The following SMCHD1 variants were observed in gnomAD, a reference collection of about 807,000 sequenced individuals.
SMCHD1 encodes structural maintenance of chromosomes flexible hinge domain-containing protein 1.
In SMCHD1, 78 loss-of-function variants were observed where a neutral mutation model predicts 254.7. That is an observed-to-expected ratio of 0.31 (90% CI 0.26 to 0.37). The LOEUF (loss-of-function observed/expected upper bound fraction) is 0.37. Among genes scored for constraint, SMCHD1 ranks in the 10% least tolerant of loss-of-function variants. SMCHD1 has a pLI of 1.00. For synonymous variants in SMCHD1, 766 were observed against 794.9 expected (o/e 0.96, Z 0.61); for missense variants, 1,840 against 2,408.1 (o/e 0.76, Z 4.94).
rs1288925515 is a variant in SMCHD1 at position 2,728,508 on chromosome 18, A to G, written c.2825A>G (p.Glu942Gly). The change falls in exon 23 of 48, where the codon GAA becomes GGA. Residue 942 changes from glutamate (E) to glycine (G), a missense_variant. Around this residue, in one of 9 missense-constraint regions of SMCHD1, gnomAD observed 881 missense variants for 1,009.5 expected, o/e 0.87. Transcript: ENST00000320876. ...CCTGATTCTGAAATTTTAGTTATAG[A>G]AAATGGAACAGCTTTCCCATTTCAG... Reference protein sequence around the residue: ...VKPDSEILVIENGTAFPFQVE... With the variant: ...VKPDSEILVIGNGTAFPFQVE... The G allele has an allele frequency of 6.2e-7, 1 of 1,613,284 alleles. No individual in the cohort carries two copies.
chr18:2,733,871 G>C (rs1032052148), intron 25 of SMCHD1, among the ~76,000 whole-genome samples: 13 of 152,268 alleles, frequency 8.5e-5, no homozygotes, highest in Admixed American at 7.2e-4. Context: ...TTTTGAGGTA[G>C]TTAGAAATAA....
intron 5 of SMCHD1, among the ~76,000 whole-genome samples, chr18:2,676,947 A>G (rs931356898): frequency 2.0e-5 from 3 of 152,306 alleles, no homozygotes; most frequent in Non-Finnish European, 4.4e-5. Flanking sequence ...AACAATATTT[A>G]ACATAAGATT....
At chr18:2,730,339 T>C (rs1260626651) in intron 24 of SMCHD1, among the ~76,000 whole-genome samples, 1 of 152,062 alleles carries the variant, frequency 6.6e-6, no homozygotes, top group Admixed American at 6.5e-5. Context: ...CCTGACTGAT[T>C]TTTTGTATTT....
intron 45 of SMCHD1, among the ~76,000 whole-genome samples, chr18:2,786,468 G>C (rs558170487): frequency 1.5e-4 from 23 of 152,182 alleles, no homozygotes; most frequent in African/African-American, 2.6e-4. Context: ...AAGGCAGGCG[G>C]ATCACCTGAG....
intron 23 of SMCHD1, 59 bp downstream of exon 23, chr18:2,728,655 T>A: frequency 6.5e-7 from 1 of 1,540,944 alleles, no homozygotes; most frequent in Non-Finnish European, 8.8e-7. Context: ...CAATGACTAT[T>A]TTAGCCACTT....
intron 40 of SMCHD1, among the ~76,000 whole-genome samples, chr18:2,772,014 A>C (rs1213075070): frequency 1.1e-4 from 17 of 152,284 alleles, no homozygotes; most frequent in South Asian, 8.3e-4. Context: ...TTTCTTGGCT[A>C]AGATTTTTTT....
At chr18:2,795,406 G>A (rs1568406963) in intron 45 of SMCHD1, among the ~76,000 whole-genome samples, 1 of 152,118 alleles carries the variant, frequency 6.6e-6, no homozygotes, top group East Asian at 1.9e-4. Flanking sequence ...TGGAAGCGAT[G>A]ATTTTCTTTT....
In SMCHD1 at chr18:2,803,916, C is replaced by T. The variant is rs927861834; in HGVS notation, c.*1364C>T. 1 of 152,092 alleles carries T rather than the reference C, an allele frequency of 6.6e-6. No homozygotes were observed. Among genetic ancestry groups the T allele is most frequent in the African/African-American group, 2.4e-5 (1 of 41,406 alleles). The allele number at this position is 152,092 out of a possible 1,614,324, so 9.4% of individuals were successfully genotyped here. A position where few individuals can be genotyped will look rare whatever the true frequency, so the allele number is the denominator to read the frequency against. On this transcript the variant is annotated 3_prime_UTR_variant, in exon 48 of 48. Coordinates refer to ENST00000320876, the MANE Select transcript of SMCHD1 (RefSeq NM_015295.3). ...TGCATTATATTTACCAATTTAGCAT[C>T]CCTAATCCAAAAATCTTTCATTAGA...
Position 2,776,460 on chromosome 18 carries a change from C to T in SMCHD1, c.5366+536C>T, listed in dbSNP as rs145869767. On this transcript the variant is annotated intron_variant, in intron 42 of 47. Coordinates refer to ENST00000320876, the MANE Select transcript of SMCHD1 (RefSeq NM_015295.3). ...TTGGGCTCAAGCAGTCCTCCCACCT[C>T]AGCCTCCCATACTGCTAGGATTACA... Among the ~76,000 whole-genome samples, 639 of 152,142 alleles carry T rather than the reference C, an allele frequency of 4.2e-3. 4 individuals carry two copies. Among genetic ancestry groups the T allele is most frequent in the African/African-American group, 0.015 (616 of 41,506 alleles).
chr18:2,678,784 C>T (rs1187139587), intron 5 of SMCHD1, among the ~76,000 whole-genome samples: 1 of 151,652 alleles, frequency 6.6e-6, no homozygotes, highest in Non-Finnish European at 1.5e-5. Context: ...CAGTTTTTAT[C>T]TGAGAATGTC....
chr18:2,729,625 C>A (rs2075096970), intron 24 of SMCHD1, among the ~76,000 whole-genome samples: 2 of 151,148 alleles, frequency 1.3e-5, no homozygotes, highest in South Asian at 4.2e-4. Flanking sequence ...TTTACAGTGT[C>A]TTTTATAGTG....
At chr18:2,662,247 G>A (rs1161225899) in intron 1 of SMCHD1, among the ~76,000 whole-genome samples, 1 of 150,914 alleles carries the variant, frequency 6.6e-6, no homozygotes, top group African/African-American at 2.4e-5. Flanking sequence ...ACTTATGTGG[G>A]ATTATATGGA....
Position 2,767,040 on chromosome 18 carries a change from G to A in SMCHD1, c.4720-2654G>A, listed in dbSNP as rs554946568. 7.9e-5 allele frequency among the ~76,000 whole-genome samples: 12 copies of A among 152,202 alleles called. No homozygotes were observed. In the East Asian group the frequency reaches 2.1e-3, roughly 27 times the overall value. On this transcript the variant is annotated intron_variant, in intron 37 of 47. Coordinates refer to ENST00000320876, the MANE Select transcript of SMCHD1 (RefSeq NM_015295.3). ...TTTGGGAGGCCAAGGTAGGATTGCT[G>A]GAGCCCAGGATTTCAAGACCAGCTT...
In SMCHD1 at chr18:2,706,361, C is replaced by T. The variant is rs201069969; in HGVS notation, c.1957-3C>T. 1,095 of 1,540,260 alleles carry T rather than the reference C, an allele frequency of 7.1e-4. 4 individuals carry two copies. The highest frequency in any genetic ancestry group is 4.3e-3 in the South Asian group (339 of 79,398). On this transcript the variant is annotated splice_polypyrimidine_tract_variant and splice_region_variant and intron_variant, in intron 14 of 47. Transcript: ENST00000320876. ...TGAAATGTTGGTAAATGTATTTATT[C>T]AGGAACCTCAGGCACTATATGATGA...
rs2075948885 is a variant in SMCHD1 at position 2,770,014 on chromosome 18, A to G, written c.4872A>G (p.Ala1624=). ...YNDVKKQQQM[A]ALTKEKDQLS... ...ATGTTAAGAAGCAGCAACAAATGGC[A>G]GCACTTACAAAAGAAAAGGACCAAT... The change falls in exon 39 of 48, where the codon GCA becomes GCG. Residue 1624 remains alanine, a synonymous_variant. Transcript: ENST00000320876. 2 of 1,595,688 alleles carry G rather than the reference A, an allele frequency of 1.3e-6. No homozygotes were observed. Among genetic ancestry groups the G allele is most frequent in the Non-Finnish European group, 1.7e-6 (2 of 1,175,052 alleles).
At chr18:2,748,244 CTA>C (rs1355946275) in intron 30 of SMCHD1, among the ~76,000 whole-genome samples, 1 of 150,690 alleles carries the variant, frequency 6.6e-6, no homozygotes, top group Non-Finnish European at 1.5e-5. Context: ...TCATTTATTC[CTA>C]TGAGTATTGA....
intron 5 of SMCHD1, among the ~76,000 whole-genome samples, chr18:2,678,434 CT>C (rs1334330127): frequency 6.6e-6 from 1 of 151,796 alleles, no homozygotes; most frequent in Non-Finnish European, 1.5e-5. Context: ...CTGGGCTTGG[CT>C]TACAGGCACA....
rs576998825 is a variant in SMCHD1, at chr18:2,770,304, T to C, written c.4966+196T>C. Reference sequence around the variant, plus strand: ...GTATTTCTTATTTTAAATAAATTTGTATCCTGCTTAAAAGAAATCAACACG... The same window carrying C: ...GTATTTCTTATTTTAAATAAATTTGCATCCTGCTTAAAAGAAATCAACACG... On this transcript the variant is annotated intron_variant, in intron 39 of 47. Transcript: ENST00000320876. Among the ~76,000 whole-genome samples the C allele has an allele frequency of 5.3e-5, 8 of 152,342 alleles. No homozygotes were observed. In the South Asian group the frequency reaches 1.4e-3, roughly 28 times the overall value.
chr18:2,711,521 C>T (rs1173382353), intron 17 of SMCHD1, among the ~76,000 whole-genome samples: 3 of 122,392 alleles, frequency 2.5e-5, no homozygotes, highest in African/African-American at 6.3e-5. Flanking sequence ...CTCGCTCTGT[C>T]GCCCAGGCTG....
Sources: gnomAD v4.1 joint callset for allele counts (sites outside exome capture counted in the v4.1 genomes callset) on GRCh38, gnomAD v4.1.1 for gene constraint, gnomAD v4.1.1 regional missense constraint, MANE v1.5 for transcripts, NCBI Gene and HGNC (gene_info 2026-07-23, HGNC 2026-07-21) for gene names.